SSU72: variants seen among roughly 807,000 people sequenced by gnomAD.
The protein encoded by SSU72 is RNA polymerase II subunit A C-terminal domain phosphatase SSU72.
SSU72 carries 12 observed loss-of-function variants against 22.7 expected under a neutral mutation model. That is an observed-to-expected ratio of 0.53 (90% confidence interval 0.34 to 0.86). The LOEUF (loss-of-function observed/expected upper bound fraction) is 0.86, where lower values mean the gene tolerates loss of function less well. Ranked by LOEUF, SSU72 falls within the 40% of genes least tolerant of loss-of-function variation. The probability of loss-of-function intolerance (pLI) is 0.02; values close to 1 mark genes in which losing one functional copy is unlikely to be tolerated. For synonymous variants in SSU72, 116 were observed against 98.3 expected, an observed-to-expected ratio of 1.18 and a Z score of -1.06; for missense variants, 151 against 249.8, an observed-to-expected ratio of 0.60 and a Z score of 2.67.
At position 1,574,466 on chromosome 1, in the gene SSU72, G is replaced by A. The variant is rs778319480; in HGVS notation, c.80+12C>T. ...GAGCAGAGCGCGCGGGGACAGGGTG[G>A]AGCCCAACTACCTGAGGATGTTGTG... On this transcript the variant is annotated intron_variant, in intron 1 of 4. Transcript: ENST00000291386. 12 of 1,591,878 alleles carry A rather than the reference G, an allele frequency of 7.5e-6. No homozygotes were observed. The African/African-American group carries it at 1.1e-4, about 15-fold the overall frequency.
At chr1:1,569,801 C>T (rs1642706975) in intron 1 of SSU72, among the ~76,000 whole-genome samples, 1 of 152,140 alleles carries the variant, frequency 6.6e-6, no homozygotes, top group South Asian at 2.1e-4. Context: ...CCTTGCCAGG[C>T]CCAAAATTTT....
At chr1:1,560,785 G>A (rs913876932) in intron 2 of SSU72, 2 of 152,174 alleles carry the variant, frequency 1.3e-5, no homozygotes, top group Admixed American at 1.3e-4. Context: ...CCAGGAGTTC[G>A]AGACAAACCT....
chr1:1,541,985 C>T lies in SSU72; in HGVS notation c.*81G>A. 7.3e-7 allele frequency: 1 copy of T among 1,361,536 alleles called. No homozygotes were observed. The highest frequency in any genetic ancestry group is 1.0e-6 in the Non-Finnish European group (1 of 977,260). The allele number at this position is 1,361,536 out of a possible 1,614,324, so 84.3% of individuals were successfully genotyped here. On this transcript the variant is annotated 3_prime_UTR_variant, in exon 5 of 5. Coordinates refer to ENST00000291386, the MANE Select transcript of SSU72 (RefSeq NM_014188.3). The stretch of plus-strand genomic sequence containing the variant: ...AATGCTACCGTCACCAGCAGAACAC[C>T]TGTAAGTAAAAACAAATGTCAGGAA...
intron 1 of SSU72, among the ~76,000 whole-genome samples, chr1:1,566,235 A>G (rs533568145): frequency 6.6e-6 from 1 of 152,356 alleles, no homozygotes; most frequent in South Asian, 2.1e-4. Context: ...ACTGCACTCC[A>G]GCCTGGGCAA....
At chr1:1,564,538 G>A in intron 2 of SSU72, 1 of 1,553,516 alleles carries the variant, frequency 6.4e-7, no homozygotes, top group South Asian at 1.2e-5. Flanking sequence ...AACCACGTCA[G>A]GGTGAACCCC....
chr1:1,555,296 C>T (rs1285971388), intron 2 of SSU72, among the ~76,000 whole-genome samples: 1 of 152,194 alleles, frequency 6.6e-6, no homozygotes, highest in Non-Finnish European at 1.5e-5. Flanking sequence ...TGGTGCATGG[C>T]GGGGATGAGA....
intron 1 of SSU72, among the ~76,000 whole-genome samples, chr1:1,572,890 G>GA (rs1491572271): frequency 1.3e-4 from 13 of 102,686 alleles, no homozygotes; most frequent in Non-Finnish European, 2.1e-5. Flanking sequence ...GGGGGGGGGG[G>GA]TGAGCCTTGC....
chr1:1,551,219 G>A (rs939479618), intron 2 of SSU72, among the ~76,000 whole-genome samples: 7 of 152,220 alleles, frequency 4.6e-5, no homozygotes, highest in African/African-American at 1.7e-4. Context: ...GTCTCCCAGA[G>A]GCTGCGGGAG....
Position 1,574,681 on chromosome 1 carries a change from G to T in SSU72, c.-124C>A. ...GCGACGCGAAACGACGGCGCCGGCG[G>T]TGTAGCGTGCGGCGACTGCGCGGCG... On this transcript the variant is annotated 5_prime_UTR_variant, in exon 1 of 5. Transcript: ENST00000291386. 1 of 1,024,144 alleles carries T rather than the reference G, an allele frequency of 9.8e-7. No homozygotes were observed. The highest frequency in any genetic ancestry group is 1.3e-6 in the Non-Finnish European group (1 of 742,390). 63.4% of individuals were successfully genotyped at this position (1,024,144 alleles called of 1,614,324 possible). A position where few individuals can be genotyped will look rare whatever the true frequency, so the allele number is the denominator to read the frequency against.
At chr1:1,548,693 C>T (rs536898222) in intron 2 of SSU72, among the ~76,000 whole-genome samples, 237 of 152,254 alleles carry the variant, frequency 1.6e-3, no homozygotes, top group African/African-American at 5.3e-3. Context: ...CCACATGGAC[C>T]GCGGTGAGGA....
chr1:1,554,306 G>A lies in SSU72; in HGVS notation c.225-9304C>T, dbSNP rs1292564538. Among the ~76,000 whole-genome samples, 3 of 148,348 alleles carry A rather than the reference G, an allele frequency of 2.0e-5. No homozygotes were observed. The highest frequency in any genetic ancestry group is 2.2e-4 in the South Asian group (1 of 4,598). On this transcript the variant is annotated intron_variant, in intron 2 of 4. Transcript: ENST00000291386. This position sits in a 1 kb window ranked among gnomAD's most constrained non-coding sequence, Gnocchi z 4.1. ...AGCACGAGACGGATCCGGACCACTC[G>A]GGGGTCCCCACGAAGCTGAGCATGA...
In SSU72 at chr1:1,574,470, C is replaced by T. The variant is rs1462781360; in HGVS notation, c.80+8G>A. ...AGAGCGCGCGGGGACAGGGTGGAGC[C>T]CAACTACCTGAGGATGTTGTGCGCC... On this transcript the variant is annotated splice_region_variant and intron_variant, in intron 1 of 4. Transcript: ENST00000291386. 3.8e-6 allele frequency: 6 copies of T among 1,593,248 alleles called. No individual in the cohort carries two copies. The highest frequency in any genetic ancestry group is 5.1e-6 in the Non-Finnish European group (6 of 1,172,104).
intron 1 of SSU72, among the ~76,000 whole-genome samples, chr1:1,566,962 T>C (rs1043399963): frequency 2.0e-5 from 3 of 151,992 alleles, no homozygotes; most frequent in African/African-American, 7.3e-5. Flanking sequence ...ATGCGGATAA[T>C]GGGGCAACAC....
chr1:1,566,400 AAGGAATCTGCCTGGCTC>A (rs1238674715), intron 1 of SSU72, among the ~76,000 whole-genome samples: 2 of 152,202 alleles, frequency 1.3e-5, no homozygotes, highest in East Asian at 3.8e-4. Flanking sequence ...TTTGCATCTG[AAGGAATCTGCCTGGCTC>A]AGGGCGCAGG....
chr1:1,571,313 G>A (rs1256823316), intron 1 of SSU72, among the ~76,000 whole-genome samples: 1 of 139,612 alleles, frequency 7.2e-6, no homozygotes, highest in East Asian at 2.0e-4. Context: ...GGCGCCTGTA[G>A]TCCCAGCTAC....
Position 1,541,880 on chromosome 1 carries a change from T to C in SSU72, c.*186A>G. On this transcript the variant is annotated 3_prime_UTR_variant, in exon 5 of 5. Coordinates refer to ENST00000291386, the MANE Select transcript of SSU72 (RefSeq NM_014188.3). ...TCAATATCCTGCTCATAAGTAAAAG[T>C]GGAAAAGAAGAAACTTGATTGCTTT... 2 of 588,184 alleles carry C rather than the reference T, an allele frequency of 3.4e-6. No individual in the cohort carries two copies. Among genetic ancestry groups the C allele is most frequent in the Non-Finnish European group, 6.0e-6 (2 of 332,562 alleles). 36.4% of individuals were successfully genotyped at this position (588,184 alleles called of 1,614,324 possible).
chr1:1,566,862 A>G (rs951471163), intron 1 of SSU72, among the ~76,000 whole-genome samples: 2 of 152,172 alleles, frequency 1.3e-5, no homozygotes, highest in Non-Finnish European at 2.9e-5. Flanking sequence ...CTCAAAAAAA[A>G]AAAAAAATTA....
chr1:1,547,742 G>A (rs1642409497), intron 2 of SSU72, among the ~76,000 whole-genome samples: 1 of 152,244 alleles, frequency 6.6e-6, no homozygotes, highest in Admixed American at 6.5e-5. Flanking sequence ...GGGAGGCTGA[G>A]CAGGTTTCGG....
chr1:1,556,974 T>C (rs1642528829), intron 2 of SSU72, among the ~76,000 whole-genome samples: 1 of 152,244 alleles, frequency 6.6e-6, no homozygotes, highest in African/African-American at 2.4e-5. Flanking sequence ...TCTCTGGCCT[T>C]ACCTGAAATA....
Sources: allele counts gnomAD v4.1 joint callset (sites outside exome capture counted in the v4.1 genomes callset), GRCh38; gene constraint gnomAD v4.1.1; non-coding constraint Gnocchi (gnomAD v3.1); transcripts MANE v1.5; gene names NCBI Gene and HGNC (gene_info 2026-07-23, HGNC 2026-07-21).